Variants in NAPEPLD observed in about 807,000 individuals in gnomAD.
The protein encoded by NAPEPLD is N-acyl phosphatidylethanolamine phospholipase D.
NAPEPLD carries 23 observed loss-of-function variants against 38.1 expected under a neutral mutation model. That is an observed-to-expected ratio of 0.60 (90% CI 0.43 to 0.86). NAPEPLD has a LOEUF of 0.86. Ranked by LOEUF, NAPEPLD falls within the 40% of genes least tolerant of loss-of-function variation. The pLI, the probability that NAPEPLD is intolerant of heterozygous loss-of-function variation, is 0.00. For missense variants in NAPEPLD, 411 were observed against 476.8 expected, an observed-to-expected ratio of 0.86 and a Z score of 1.28; for synonymous variants, 147 against 162.0, an observed-to-expected ratio of 0.91 and a Z score of 0.71.
At chr7:103,109,817 A>G (rs145963720) in intron 4 of NAPEPLD, among the ~76,000 whole-genome samples, 19 of 149,768 alleles carry the variant, frequency 1.3e-4, no homozygotes, top group African/African-American at 4.6e-4. Context: ...AGCTGGATTC[A>G]TTAGCCAGAC....
At chr7:103,124,373 G>C (rs186635090) in intron 2 of NAPEPLD, among the ~76,000 whole-genome samples, 2 of 151,954 alleles carry the variant, frequency 1.3e-5, no homozygotes, top group Non-Finnish European at 2.9e-5. Flanking sequence ...CAGGAGAACC[G>C]CTTGAACCCA....
chr7:103,140,625 C>A (rs1811091888), intron 1 of NAPEPLD, among the ~76,000 whole-genome samples: 1 of 152,120 alleles, frequency 6.6e-6, no homozygotes, highest in East Asian at 1.9e-4. Flanking sequence ...AATCTCCTGA[C>A]CTCGTGATCT....
intron 1 of NAPEPLD, among the ~76,000 whole-genome samples, chr7:103,145,631 T>C (rs762571824): frequency 1.3e-4 from 20 of 152,230 alleles, no homozygotes; most frequent in Non-Finnish European, 2.9e-5. Context: ...CCTTCCAACT[T>C]GAACATTCCA....
chr7:103,136,066 G>A (rs1809986504), intron 1 of NAPEPLD, among the ~76,000 whole-genome samples: 2 of 151,896 alleles, frequency 1.3e-5, no homozygotes, highest in South Asian at 2.1e-4. Flanking sequence ...ACAGGAATTC[G>A]AGACCAGCCT....
Position 103,120,230 on chromosome 7 carries a change from G to A in NAPEPLD, c.295-7C>T, listed in dbSNP as rs1184060056. The A allele has an allele frequency of 1.9e-6, 3 of 1,599,396 alleles. No individual in the cohort carries two copies. The highest frequency in any genetic ancestry group is 2.6e-6 in the Non-Finnish European group (3 of 1,172,392). Reference sequence around the variant, plus strand: ...GGAGTTCTTTGTCTAGTTCCTTTGTGTATAAAGAAAGCAAGACAAAAGAGT... The same window carrying A: ...GGAGTTCTTTGTCTAGTTCCTTTGTATATAAAGAAAGCAAGACAAAAGAGT... On this transcript the variant is annotated splice_polypyrimidine_tract_variant and splice_region_variant and intron_variant, in intron 2 of 4. Transcript: ENST00000465647.
At position 103,100,909 on chromosome 7, in the gene NAPEPLD, A is replaced by C. The variant is rs1328435181; in HGVS notation, c.*2520T>G. ...AGAAAGAACATGAGTGGTAATAAAA[A>C]ATTACAGCTTACAAAAGGGCCTAGA... On this transcript the variant is annotated 3_prime_UTR_variant, in exon 5 of 5. Coordinates refer to ENST00000465647, the MANE Select transcript of NAPEPLD (RefSeq NM_001122838.3). The C allele has an allele frequency of 6.6e-6, 1 of 152,222 alleles. No homozygotes were observed. The highest frequency in any genetic ancestry group is 1.9e-4 in the East Asian group (1 of 5,204). 9.4% of individuals were successfully genotyped at this position (152,222 alleles called of 1,614,324 possible). A position where few individuals can be genotyped will look rare whatever the true frequency, so the allele number is the denominator to read the frequency against.
chr7:103,137,815 C>CAAA (rs79429621), intron 1 of NAPEPLD, among the ~76,000 whole-genome samples: 1 of 107,532 alleles, frequency 9.3e-6, no homozygotes, highest in African/African-American at 3.5e-5. Flanking sequence ...GATGCTGTCT[C>CAAA]AAAAAAAAAA....
Position 103,110,040 on chromosome 7 carries a change from A to G in NAPEPLD, c.1056+5020T>C, listed in dbSNP as rs1159389863. 2.0e-5 allele frequency among the ~76,000 whole-genome samples: 3 copies of G among 152,358 alleles called. 1 individual carries two copies. The highest frequency in any genetic ancestry group is 4.1e-4 in the South Asian group (2 of 4,834). The stretch of plus-strand genomic sequence containing the variant: ...CCAGGAAGAAGTCAAATTCCTGAAT[A>G]GGCCAATAACAAGTTGTGAAATTGA... On this transcript the variant is annotated intron_variant, in intron 4 of 4. Coordinates refer to ENST00000465647, the MANE Select transcript of NAPEPLD (RefSeq NM_001122838.3).
At chr7:103,132,600 T>TA (rs1809169113) in intron 1 of NAPEPLD, among the ~76,000 whole-genome samples, 1 of 151,272 alleles carries the variant, frequency 6.6e-6, no homozygotes, top group Non-Finnish European at 1.5e-5. Flanking sequence ...GCTTTAGGGG[T>TA]AAAAATAAAT....
chr7:103,144,864 T>C (rs147169299), intron 1 of NAPEPLD, among the ~76,000 whole-genome samples: 8,228 of 151,994 alleles, frequency 0.054, 300 homozygotes, highest in African/African-American at 0.1. Flanking sequence ...ATACAAAAAT[T>C]AGCCAGGCAT....
intron 4 of NAPEPLD, among the ~76,000 whole-genome samples, chr7:103,112,662 T>C (rs1182321777): frequency 1.3e-5 from 2 of 151,972 alleles, no homozygotes; most frequent in Admixed American, 6.6e-5. Flanking sequence ...AGATGAAGGG[T>C]TGATGGGTGC....
At chr7:103,127,407 T>G (rs1236337644) in intron 2 of NAPEPLD, 1 of 152,014 alleles carries the variant, frequency 6.6e-6, no homozygotes, top group Admixed American at 6.6e-5. Flanking sequence ...AAGCAAGAAT[T>G]CAAAAAACTT....
At chr7:103,138,190 C>A (rs1810480280) in intron 1 of NAPEPLD, among the ~76,000 whole-genome samples, 1 of 151,806 alleles carries the variant, frequency 6.6e-6, no homozygotes, top group African/African-American at 2.4e-5. Context: ...GTTGGCCAGG[C>A]AGGTAGATGA....
intron 4 of NAPEPLD, among the ~76,000 whole-genome samples, chr7:103,113,586 AAAGACAGAGTCTCACTTTTTTTTTT>A (rs1333377211): frequency 6.8e-6 from 1 of 147,470 alleles, no homozygotes; most frequent in African/African-American, 2.5e-5. Context: ...TTTTTTTTTT[AAAGACAGAGTCTCACTTTTTTTTTT>A]AAGACAGAGT....
chr7:103,139,150 T>C (rs1268157910), intron 1 of NAPEPLD, among the ~76,000 whole-genome samples: 3 of 152,212 alleles, frequency 2.0e-5, no homozygotes, highest in African/African-American at 7.2e-5. Context: ...CTGATACAAA[T>C]AGCCATTAGA....
Position 103,128,692 on chromosome 7 carries a change from G to T in NAPEPLD, c.85C>A (p.Arg29=). The change falls in exon 2 of 5, where the codon CGG becomes AGG. Residue 29 remains arginine (R), a synonymous_variant. Coordinates refer to ENST00000465647, the MANE Select transcript of NAPEPLD (RefSeq NM_001122838.3). ...GAAGAATCACTTGCTCCGGAATTCC[G>T]TGCTGAATTTTGACGTTTTCTTACT... ...EAVRKRQNSA[R]NSGASDSSRF... The T allele has an allele frequency of 6.2e-7, 1 of 1,614,078 alleles. No individual in the cohort carries two copies. Among genetic ancestry groups the T allele is most frequent in the South Asian group, 1.1e-5 (1 of 91,078 alleles).
At chr7:103,139,496 C>T (rs1810772644) in intron 1 of NAPEPLD, among the ~76,000 whole-genome samples, 2 of 152,168 alleles carry the variant, frequency 1.3e-5, no homozygotes, top group South Asian at 4.1e-4. Context: ...AAGTGCTGAG[C>T]GGTCCACAGT....
chr7:103,137,976 C>CT (rs1585891425), intron 1 of NAPEPLD, among the ~76,000 whole-genome samples: 3 of 28,096 alleles, frequency 1.1e-4, no homozygotes, highest in Admixed American at 1.4e-3. Flanking sequence ...TTCTTTTTTG[C>CT]TTTTTTTCTT....
At chr7:103,112,571 G>C (rs1804745276) in intron 4 of NAPEPLD, among the ~76,000 whole-genome samples, 1 of 152,064 alleles carries the variant, frequency 6.6e-6, no homozygotes, top group South Asian at 2.1e-4. Flanking sequence ...CATGGACACA[G>C]AGAGGGGAAC....
Sources: allele counts gnomAD v4.1 joint callset (sites outside exome capture counted in the v4.1 genomes callset), GRCh38; gene constraint gnomAD v4.1.1; transcripts MANE v1.5; gene names NCBI Gene and HGNC (gene_info 2026-07-23, HGNC 2026-07-21).